HMGB1: variants seen among roughly 807,000 people sequenced by gnomAD.
HMGB1 encodes the protein high mobility group protein B1.
For missense variants in HMGB1, 79 were observed against 253.5 expected, an observed-to-expected ratio of 0.31 and a Z score of 4.67; for synonymous variants, 81 against 84.0, an observed-to-expected ratio of 0.96 and a Z score of 0.19.
intron 1 of HMGB1, among the ~76,000 whole-genome samples, chr13:30,553,435 T>A (rs992150513): frequency 6.6e-6 from 1 of 152,224 alleles, no homozygotes; most frequent in South Asian, 2.1e-4. Context: ...GCACATAATT[T>A]AACTTCTCTC....
At chr13:30,516,696 T>C (rs1299978080) in intron 1 of HMGB1, among the ~76,000 whole-genome samples, 1 of 152,172 alleles carries the variant, frequency 6.6e-6, no homozygotes, top group Non-Finnish European at 1.5e-5. Context: ...GGCAGGAGGA[T>C]TGCCTGAGTC....
At chr13:30,586,155 T>C (rs1871135153) in intron 1 of HMGB1, among the ~76,000 whole-genome samples, 1 of 152,058 alleles carries the variant, frequency 6.6e-6, no homozygotes, top group African/African-American at 2.4e-5. Context: ...AGCCTTAACC[T>C]CCCTGAGTTC....
intron 1 of HMGB1, among the ~76,000 whole-genome samples, chr13:30,518,849 A>C (rs1331433369): frequency 4.1e-5 from 6 of 147,470 alleles, no homozygotes; most frequent in Non-Finnish European, 9.0e-5. Context: ...GGGACCACAA[A>C]AAAAAAAAAA....
chr13:30,515,495 C>T (rs544485446), intron 1 of HMGB1, among the ~76,000 whole-genome samples: 18 of 152,204 alleles, frequency 1.2e-4, no homozygotes, highest in East Asian at 3.9e-4. Flanking sequence ...TTGAACAAAA[C>T]GTAATTTAAC....
chr13:30,495,858 C>T (rs996099604), intron 1 of HMGB1, among the ~76,000 whole-genome samples: 1 of 152,136 alleles, frequency 6.6e-6, no homozygotes, highest in Admixed American at 6.5e-5. Flanking sequence ...GGCCTTGAGT[C>T]ATTTCTCAGG....
Position 30,481,421 on chromosome 13 carries a change from C to G in HMGB1, c.-14-17727G>C, listed in dbSNP as rs139571589. ...AAGAAAGGTGGCCTGAGGGAGATTGCAAGCACTAACCGCTAAACGCTAAAT... is the reference window on the plus strand; with the variant it reads ...AAGAAAGGTGGCCTGAGGGAGATTGGAAGCACTAACCGCTAAACGCTAAAT... On this transcript the variant is annotated intron_variant, in intron 1 of 4. Coordinates refer to the HMGB1 transcript ENST00000405805. 3.3e-5 allele frequency among the ~76,000 whole-genome samples: 5 copies of G among 152,356 alleles called. No individual in the cohort carries two copies. The East Asian group carries it at 9.6e-4, about 29-fold the overall frequency.
intron 1 of HMGB1, among the ~76,000 whole-genome samples, chr13:30,583,840 AAAGAAAGAAAGAAAG>A (rs1217261911): frequency 1.2e-5 from 1 of 82,760 alleles, no homozygotes; most frequent in Admixed American, 1.4e-4. Flanking sequence ...AAAAAAAAAA[AAAGAAAGAAAGAAAG>A]AAAGAAAGAA....
intron 1 of HMGB1, among the ~76,000 whole-genome samples, chr13:30,518,941 C>G (rs1888163136): frequency 6.6e-6 from 1 of 150,770 alleles, no homozygotes. Flanking sequence ...GGGGGCTGGT[C>G]TTGAATTCCT....
intron 1 of HMGB1, among the ~76,000 whole-genome samples, chr13:30,474,051 G>C (rs1326904223): frequency 2.6e-5 from 4 of 152,210 alleles, no homozygotes; most frequent in Non-Finnish European, 5.9e-5. Context: ...TGGGGAAAAA[G>C]AGAGTGCCTG....
Position 30,461,291 on chromosome 13 carries a change from G to A in HMGB1, c.*66C>T. The A allele has an allele frequency of 4.7e-6, 7 of 1,505,146 alleles. No individual in the cohort carries two copies. The highest frequency in any genetic ancestry group is 4.6e-5 in the East Asian group (2 of 43,812). The allele number at this position is 1,505,146 out of a possible 1,614,324, so 93.2% of individuals were successfully genotyped here. A position where few individuals can be genotyped will look rare whatever the true frequency, so the allele number is the denominator to read the frequency against. On this transcript the variant is annotated 3_prime_UTR_variant, in exon 5 of 5. Transcript: ENST00000341423. Reference sequence around the variant, plus strand: ...ATTTCAATTTTTTTCTTTAAAAGGAGTGAGTTGTGTACAGGGGGGTTAAAT... The same window carrying A: ...ATTTCAATTTTTTTCTTTAAAAGGAATGAGTTGTGTACAGGGGGGTTAAAT...
chr13:30,571,455 C>T (rs757513928), intron 1 of HMGB1, among the ~76,000 whole-genome samples: 19 of 152,030 alleles, frequency 1.2e-4, no homozygotes, highest in Admixed American at 1.2e-3. Flanking sequence ...CCACCATGCC[C>T]GGCTAATTTT....
At chr13:30,539,529 T>G in intron 1 of HMGB1, 1 of 270,952 alleles carries the variant, frequency 3.7e-6, no homozygotes. Context: ...TACTCCAAAA[T>G]TCATTTACTG....
chr13:30,524,027 T>G (rs985993150), intron 1 of HMGB1, among the ~76,000 whole-genome samples: 1 of 152,154 alleles, frequency 6.6e-6, no homozygotes. Flanking sequence ...GATTAGTTCA[T>G]GTCCTTTGCA....
intron 1 of HMGB1, among the ~76,000 whole-genome samples, chr13:30,547,723 C>G (rs1244365866): frequency 2.6e-5 from 4 of 151,996 alleles, no homozygotes; most frequent in Non-Finnish European, 4.4e-5. Flanking sequence ...TTGAGACCAG[C>G]CTGGCCAATG....
At chr13:30,589,468 AG>A in intron 1 of HMGB1, among the ~76,000 whole-genome samples, 1 of 152,258 alleles carries the variant, frequency 6.6e-6, no homozygotes, top group Non-Finnish European at 1.5e-5. Flanking sequence ...GATGGGTTGA[AG>A]AAATATTTAG....
chr13:30,463,121 T>G (rs1400817922), intron 3 of HMGB1, 86 bp downstream of exon 3: 5 of 1,315,850 alleles, frequency 3.8e-6, no homozygotes, highest in Non-Finnish European at 5.4e-6. Context: ...ACATTTACAC[T>G]CTAAACTGAC....
intron 1 of HMGB1, among the ~76,000 whole-genome samples, chr13:30,571,601 C>A (rs1373842954): frequency 1.3e-5 from 2 of 152,114 alleles, no homozygotes; most frequent in Non-Finnish European, 2.9e-5. Context: ...GCCTAAATGG[C>A]CAAGTTTTAT....
chr13:30,604,899 C>G (rs915009795), intron 1 of HMGB1, among the ~76,000 whole-genome samples: 1 of 152,126 alleles, frequency 6.6e-6, no homozygotes, highest in African/African-American at 2.4e-5. Flanking sequence ...ATCCCGTGAT[C>G]CACCCACCTC....
intron 1 of HMGB1, among the ~76,000 whole-genome samples, chr13:30,538,369 T>G (rs1868550688): frequency 6.6e-6 from 1 of 152,230 alleles, no homozygotes; most frequent in South Asian, 2.1e-4. Context: ...TGGGCTTTGC[T>G]GGATGCTGGT....
Sources: allele counts gnomAD v4.1 joint callset (sites outside exome capture counted in the v4.1 genomes callset), GRCh38; gene constraint gnomAD v4.1.1; transcripts MANE v1.5; gene names NCBI Gene and HGNC (gene_info 2026-07-23, HGNC 2026-07-21).